The following PPP1R16B variants were observed in gnomAD, a reference collection of about 807,000 sequenced individuals.
The protein encoded by PPP1R16B is protein phosphatase 1 regulatory subunit 16B, also known as protein phosphatase 1 regulatory inhibitor subunit 16B.
Under a neutral mutation model 61.7 loss-of-function variants are expected in PPP1R16B, and 14 were observed. The ratio of observed to expected loss-of-function variants is 0.23; its 90% CI spans 0.15 to 0.35. PPP1R16B has a LOEUF of 0.35. Among genes scored for constraint, PPP1R16B ranks in the 10% least tolerant of loss-of-function variants. The pLI, the probability that PPP1R16B is intolerant of heterozygous loss-of-function variation, is 1.00. For synonymous variants in PPP1R16B, 266 were observed against 305.3 expected, an observed-to-expected ratio of 0.87 and a Z score of 1.34; for missense variants, 547 against 752.5, an observed-to-expected ratio of 0.73 and a Z score of 3.19.
intron 1 of PPP1R16B, among the ~76,000 whole-genome samples, chr20:38,828,111 TG>T (rs1314839552): frequency 1.3e-5 from 2 of 152,210 alleles, no homozygotes; most frequent in African/African-American, 4.8e-5. Context: ...CTCTTAAATT[TG>T]AATTCACCTT....
In PPP1R16B at chr20:38,806,274, G is replaced by T. The variant is rs979541549; in HGVS notation, c.-102+482G>T. On this transcript the variant is annotated intron_variant, in intron 1 of 10. Coordinates refer to ENST00000299824, the MANE Select transcript of PPP1R16B (RefSeq NM_015568.4). The surrounding 1 kb of genome is among the most constrained non-coding windows in gnomAD (Gnocchi z 4.5). The stretch of plus-strand genomic sequence containing the variant: ...TCGCGTGGCGGGGCTTGGTCCTGGC[G>T]GGCAGCGGCAGGGCGCAGAGAGCGC... Among the ~76,000 whole-genome samples the T allele has an allele frequency of 6.6e-6, 1 of 152,072 alleles. No individual in the cohort carries two copies. The highest frequency in any genetic ancestry group is 1.5e-5 in the Non-Finnish European group (1 of 67,980).
intron 4 of PPP1R16B, 30 bp downstream of exon 4, chr20:38,895,740 C>G (rs148823896): frequency 3.7e-6 from 6 of 1,600,992 alleles, no homozygotes; most frequent in Non-Finnish European, 5.1e-6. Context: ...CCAGAGCAGC[C>G]TCCCTCCACC....
chr20:38,903,945 C>T (rs745436683), intron 6 of PPP1R16B, among the ~76,000 whole-genome samples: 31 of 152,316 alleles, frequency 2.0e-4, no homozygotes, highest in Admixed American at 1.4e-3. Context: ...TTAGGTTCCA[C>T]GCTGGTCGTA....
intron 2 of PPP1R16B, among the ~76,000 whole-genome samples, chr20:38,845,043 G>A (rs2084928752): frequency 6.7e-6 from 1 of 150,258 alleles, no homozygotes; most frequent in African/African-American, 2.4e-5. Flanking sequence ...GGCACCGTAT[G>A]GAGAGGGCTA....
In PPP1R16B at chr20:38,849,793, C is replaced by G. The variant is rs560240372; in HGVS notation, c.250+13618C>G. 1.4e-3 allele frequency among the ~76,000 whole-genome samples: 212 copies of G among 152,222 alleles called. 1 individual carries two copies. Among genetic ancestry groups the G allele is most frequent in the African/African-American group, 5.0e-3 (207 of 41,538 alleles). On this transcript the variant is annotated intron_variant, in intron 2 of 10. Coordinates refer to ENST00000299824, the MANE Select transcript of PPP1R16B (RefSeq NM_015568.4). The stretch of plus-strand genomic sequence containing the variant: ...CATACCCATGTAACTAATCAGCACT[C>G]AGATCATGAAACAGAACATTACCAG...
intron 10 of PPP1R16B, among the ~76,000 whole-genome samples, chr20:38,916,178 C>A (rs1418450355): frequency 6.6e-6 from 1 of 151,178 alleles, no homozygotes; most frequent in Non-Finnish European, 1.5e-5. Flanking sequence ...CCAGCCTGTG[C>A]AACATAGTGA....
intron 2 of PPP1R16B, among the ~76,000 whole-genome samples, chr20:38,836,691 G>T (rs1568657591): frequency 2.0e-5 from 3 of 152,128 alleles, no homozygotes; most frequent in Admixed American, 6.5e-5. Context: ...TCGTTCATTT[G>T]TTTTTATTTA....
At chr20:38,841,302 G>C (rs2084907415) in intron 2 of PPP1R16B, among the ~76,000 whole-genome samples, 1 of 142,002 alleles carries the variant, frequency 7.0e-6, no homozygotes, top group African/African-American at 2.6e-5. Context: ...CAAGGTAGAG[G>C]ATCGCTTAAG....
chr20:38,883,124 C>T lies in PPP1R16B; in HGVS notation c.251-6471C>T, dbSNP rs79940672. 2.7e-3 allele frequency among the ~76,000 whole-genome samples: 414 copies of T among 152,298 alleles called. 2 individuals carry two copies. The highest frequency in any genetic ancestry group is 4.4e-3 in the Non-Finnish European group (300 of 68,024). ...GGGCAGGCCTTGTGAGTGAACCTGA[C>T]CCTGCAAGTCACATGGCGAGGTGGC... On this transcript the variant is annotated intron_variant, in intron 2 of 10. Coordinates refer to ENST00000299824, the MANE Select transcript of PPP1R16B (RefSeq NM_015568.4).
chr20:38,897,666 A>G (rs2085360199), intron 4 of PPP1R16B, among the ~76,000 whole-genome samples: 2 of 152,210 alleles, frequency 1.3e-5, no homozygotes, highest in South Asian at 2.1e-4. Flanking sequence ...TAAATTTTTT[A>G]AGGACCTGCT....
At chr20:38,826,030 A>G (rs1398966783) in intron 1 of PPP1R16B, among the ~76,000 whole-genome samples, 1 of 152,218 alleles carries the variant, frequency 6.6e-6, no homozygotes. Context: ...AAGTTTGGTC[A>G]TGAGTGTTGT....
intron 1 of PPP1R16B, among the ~76,000 whole-genome samples, chr20:38,826,941 T>A (rs2084808868): frequency 6.6e-6 from 1 of 152,218 alleles, no homozygotes; most frequent in African/African-American, 2.4e-5. Context: ...TGTATTTATT[T>A]TTTAAATGAT....
At chr20:38,862,909 G>T (rs1202900724) in intron 2 of PPP1R16B, among the ~76,000 whole-genome samples, 2 of 152,186 alleles carry the variant, frequency 1.3e-5, no homozygotes, top group African/African-American at 2.4e-5. Context: ...TCAGCTTCCT[G>T]GGTGTTCTGA....
In PPP1R16B at chr20:38,889,605, C is replaced by T. The variant is rs2085276698; in HGVS notation, c.261C>T (p.Phe87=). Residue 87 remains phenylalanine, a synonymous_variant, in exon 3 of 11, where the codon TTC becomes TTT. Coordinates refer to ENST00000299824, the MANE Select transcript of PPP1R16B (RefSeq NM_015568.4). ...LRNDAEEVRY[F]LKNKVSPDLC... ...ACCCTCCTATTGCAGTACGCTACTTCCTGAAGAATAAGGTCAGCCCTGATT... is the reference window on the plus strand; with the variant it reads ...ACCCTCCTATTGCAGTACGCTACTTTCTGAAGAATAAGGTCAGCCCTGATT... 1.3e-6 allele frequency: 2 copies of T among 1,588,038 alleles called. No homozygotes were observed. Among genetic ancestry groups the T allele is most frequent in the East Asian group, 4.5e-5 (2 of 44,780 alleles).
intron 1 of PPP1R16B, among the ~76,000 whole-genome samples, chr20:38,829,416 C>T (rs112027134): frequency 7.6e-4 from 116 of 152,360 alleles, no homozygotes; most frequent in African/African-American, 2.7e-3. Context: ...GTTCTGGACA[C>T]TCTGTTGACT....
At chr20:38,812,222 G>A (rs2084705443) in intron 1 of PPP1R16B, among the ~76,000 whole-genome samples, 1 of 152,178 alleles carries the variant, frequency 6.6e-6, no homozygotes, top group African/African-American at 2.4e-5. Context: ...CATCACCACT[G>A]CATTTTACCC....
chr20:38,890,354 A>C (rs1474678734), intron 3 of PPP1R16B, among the ~76,000 whole-genome samples: 1 of 152,188 alleles, frequency 6.6e-6, no homozygotes, highest in African/African-American at 2.4e-5. Flanking sequence ...ACAGTGCACA[A>C]GGCTGCACGA....
At chr20:38,829,246 A>T (rs555807423) in intron 1 of PPP1R16B, among the ~76,000 whole-genome samples, 157 of 152,312 alleles carry the variant, frequency 1.0e-3, no homozygotes, top group African/African-American at 3.7e-3. Flanking sequence ...CCTGCTGGCC[A>T]CAGTCAAACT....
At chr20:38,832,377 G>A (rs763980770) in intron 1 of PPP1R16B, among the ~76,000 whole-genome samples, 15 of 152,184 alleles carry the variant, frequency 9.9e-5, no homozygotes, top group African/African-American at 4.8e-5. Flanking sequence ...GAAGTGGAGT[G>A]AAATAAACTT....
Sources: allele counts gnomAD v4.1 joint callset (sites outside exome capture counted in the v4.1 genomes callset), GRCh38; gene constraint gnomAD v4.1.1; non-coding constraint Gnocchi (gnomAD v3.1); transcripts MANE v1.5; gene names NCBI Gene and HGNC (gene_info 2026-07-23, HGNC 2026-07-21).